The following LRRC7 variants were observed in gnomAD, a reference collection of about 807,000 sequenced individuals.
LRRC7 encodes leucine rich repeat containing 7.
LRRC7 carries 23 observed loss-of-function variants against 175.7 expected under a neutral mutation model. The ratio of observed to expected loss-of-function variants is 0.13; its 90% confidence interval spans 0.09 to 0.19. LRRC7 has a LOEUF of 0.19. Ranked by LOEUF, LRRC7 falls within the 10% of genes least tolerant of loss-of-function variation. The pLI is 1.00. For missense variants in LRRC7, 1,354 were observed against 1,904.7 expected (o/e 0.71, Z 5.38); for synonymous variants, 685 against 680.9 (o/e 1.01, Z -0.09).
chr1:70,058,675 A>C (rs1207461600), intron 23 of LRRC7, among the ~76,000 whole-genome samples: 2 of 152,218 alleles, frequency 1.3e-5, no homozygotes, highest in Non-Finnish European at 2.9e-5. Flanking sequence ...AAGCACTATT[A>C]TTTTGTTAAA....
At chr1:69,633,633 T>G (rs1186253752) in intron 1 of LRRC7, among the ~76,000 whole-genome samples, 1 of 152,096 alleles carries the variant, frequency 6.6e-6, no homozygotes, top group Non-Finnish European at 1.5e-5. Flanking sequence ...TTCACCATGT[T>G]GGCCAGGCCG....
rs1454505795 is a variant in LRRC7, at chr1:70,129,058, C to T, written c.*7171C>T. Among the ~76,000 whole-genome samples the T allele has an allele frequency of 6.6e-6, 1 of 151,938 alleles. No individual in the cohort carries two copies. The highest frequency in any genetic ancestry group is 1.5e-5 in the Non-Finnish European group (1 of 67,998). On this transcript the variant is annotated 3_prime_UTR_variant, in exon 27 of 27. Transcript: ENST00000651989. ...GTCAGGAATTGGATACCAGCCTGAC[C>T]AACATGCTGAAACCTCATCTCTACT...
At chr1:69,691,561 G>A (rs1661865939) in intron 2 of LRRC7, among the ~76,000 whole-genome samples, 2 of 152,074 alleles carry the variant, frequency 1.3e-5, no homozygotes, top group Non-Finnish European at 2.9e-5. Context: ...GCTTTGGGAG[G>A]CTAAGCCAGG....
chr1:70,040,942 TG>T (rs1659838617), intron 21 of LRRC7, among the ~76,000 whole-genome samples: 1 of 152,216 alleles, frequency 6.6e-6, no homozygotes, highest in Admixed American at 6.5e-5. Context: ...AAGAGAAACC[TG>T]TACTCATTTT....
In LRRC7 at chr1:69,855,277, C is replaced by T. The variant is rs911503118; in HGVS notation, c.647+16994C>T. On this transcript the variant is annotated intron_variant, in intron 7 of 26. Coordinates refer to ENST00000651989, the MANE Select transcript of LRRC7 (RefSeq NM_001370785.2). ...TGTGGGCATTTAGTGCTATAAATTT[C>T]CCTCTACACACTGCTTTAAATGTGT... 2.0e-5 allele frequency among the ~76,000 whole-genome samples: 3 copies of T among 152,068 alleles called. No individual in the cohort carries two copies. In the South Asian group the frequency reaches 6.2e-4, roughly 31 times the overall value.
chr1:70,010,743 C>G (rs1322137396), intron 11 of LRRC7, among the ~76,000 whole-genome samples: 3 of 152,180 alleles, frequency 2.0e-5, no homozygotes, highest in African/African-American at 7.2e-5. Context: ...CCAACGCCAA[C>G]TGCAATGTAT....
At chr1:69,782,949 GT>G (rs984977739) in intron 3 of LRRC7, among the ~76,000 whole-genome samples, 44 of 152,212 alleles carry the variant, frequency 2.9e-4, no homozygotes, top group African/African-American at 9.1e-4. Flanking sequence ...CAACTAAAAG[GT>G]TAACTCAAAA....
chr1:69,591,080 G>C (rs1223163716), intron 1 of LRRC7, among the ~76,000 whole-genome samples: 2 of 151,972 alleles, frequency 1.3e-5, no homozygotes, highest in African/African-American at 4.8e-5. Flanking sequence ...ATTGAAATTG[G>C]AAAAATTAAT....
At chr1:69,711,102 C>T (rs1167819526) in intron 2 of LRRC7, among the ~76,000 whole-genome samples, 1 of 152,116 alleles carries the variant, frequency 6.6e-6, no homozygotes, top group Admixed American at 6.6e-5. Flanking sequence ...TAAGATGTAA[C>T]AACAAATCCT....
intron 1 of LRRC7, among the ~76,000 whole-genome samples, chr1:69,575,185 A>C (rs979144793): frequency 1.3e-5 from 2 of 152,114 alleles, no homozygotes; most frequent in African/African-American, 4.8e-5. Context: ...AGGGTCATCC[A>C]ACTGTTAATG....
At chr1:69,934,494 C>CG (rs573858643) in intron 8 of LRRC7, among the ~76,000 whole-genome samples, 1,323 of 46,294 alleles carry the variant, frequency 0.029, 11 homozygotes, top group East Asian at 0.064. Flanking sequence ...GATATTTTGG[C>CG]GGGGGGGGGG....
At chr1:69,811,974 G>A (rs557380979) in intron 4 of LRRC7, among the ~76,000 whole-genome samples, 5 of 151,920 alleles carry the variant, frequency 3.3e-5, no homozygotes, top group East Asian at 1.9e-4. Context: ...CCAGTGCTTC[G>A]CCTCAGTAAA....
At chr1:69,950,681 A>G (rs1333839490) in intron 8 of LRRC7, among the ~76,000 whole-genome samples, 1 of 152,106 alleles carries the variant, frequency 6.6e-6, no homozygotes, top group Non-Finnish European at 1.5e-5. Flanking sequence ...ATAGAAACAG[A>G]CGGAAACCAA....
chr1:69,926,842 C>A (rs186358141), intron 7 of LRRC7, among the ~76,000 whole-genome samples: 2 of 152,136 alleles, frequency 1.3e-5, no homozygotes, highest in African/African-American at 4.8e-5. Context: ...GAATTTGATC[C>A]TGTCGTTATG....
At chr1:69,892,775 T>G (rs190207486) in intron 7 of LRRC7, among the ~76,000 whole-genome samples, 1 of 152,270 alleles carries the variant, frequency 6.6e-6, no homozygotes, top group African/African-American at 2.4e-5. Flanking sequence ...CTCAGAGAAA[T>G]TAAACAATTA....
intron 2 of LRRC7, among the ~76,000 whole-genome samples, chr1:69,756,582 A>G (rs1283071578): frequency 1.3e-5 from 2 of 151,856 alleles, no homozygotes; most frequent in African/African-American, 4.8e-5. Flanking sequence ...CCTGGAAACT[A>G]GAAAATATGA....
At position 69,924,349 on chromosome 1, in the gene LRRC7, G is replaced by A. The variant is rs547655821; in HGVS notation, c.648-7158G>A. On this transcript the variant is annotated intron_variant, in intron 7 of 26. Coordinates refer to ENST00000651989, the MANE Select transcript of LRRC7 (RefSeq NM_001370785.2). ...TTCCAATTCTGTGAAGAAAGTCATT[G>A]GTAGCTTGATGGGGATGGCATTGAA... 3.9e-5 allele frequency among the ~76,000 whole-genome samples: 6 copies of A among 152,198 alleles called. No homozygotes were observed. The South Asian group carries it at 1.0e-3, about 26-fold the overall frequency.
At chr1:69,924,569 T>C (rs1646999186) in intron 7 of LRRC7, among the ~76,000 whole-genome samples, 1 of 152,200 alleles carries the variant, frequency 6.6e-6, no homozygotes, top group Non-Finnish European at 1.5e-5. Flanking sequence ...CAATTGTGAA[T>C]GGGAGTTCAC....
chr1:69,990,376 G>A (rs1346335298), intron 10 of LRRC7, among the ~76,000 whole-genome samples: 1 of 151,944 alleles, frequency 6.6e-6, no homozygotes, highest in Non-Finnish European at 1.5e-5. Flanking sequence ...CTAGAGAAAA[G>A]AGTCTAAGCA....
Sources: gnomAD v4.1 joint callset for allele counts (sites outside exome capture counted in the v4.1 genomes callset) on GRCh38, gnomAD v4.1.1 for gene constraint, MANE v1.5 for transcripts, NCBI Gene and HGNC (gene_info 2026-07-23, HGNC 2026-07-21) for gene names.